Variants in DESI2 observed in about 807,000 individuals in gnomAD.
DESI2 encodes the protein desumoylating isopeptidase 2.
A neutral mutation model predicts 24.1 loss-of-function variants in DESI2; 10 were observed. The observed-to-expected ratio is 0.41, with a 90% CI of 0.26 to 0.70. DESI2 has a LOEUF of 0.70. DESI2 is among the 30% of genes least tolerant of loss of function. The pLI is 0.29. For missense variants in DESI2, 122 were observed against 234.9 expected (o/e 0.52, Z 3.14); for synonymous variants, 71 against 87.7 (o/e 0.81, Z 1.06).
intron 1 of DESI2, among the ~76,000 whole-genome samples, chr1:244,660,166 T>C (rs61842417): frequency 0.3 from 45,455 of 151,688 alleles, 7,118 homozygotes; most frequent in African/African-American, 0.4. Context: ...TTTTTTGTTG[T>C]TGTTTTGTTG....
intron 1 of DESI2, among the ~76,000 whole-genome samples, chr1:244,674,321 CT>C (rs35687515): frequency 0.23 from 33,805 of 147,442 alleles, 3,851 homozygotes; most frequent in South Asian, 0.3. Context: ...TCATAACGGT[CT>C]TTTTTTTTTT....
chr1:244,653,828 A>G (rs1675551005), intron 1 of DESI2: 1 of 421,360 alleles, frequency 2.4e-6, no homozygotes, highest in Non-Finnish European at 4.9e-6. Context: ...CTCTAAGTCC[A>G]GAAGGTCACA....
At chr1:244,655,051 A>G (rs1558647212) in intron 1 of DESI2, among the ~76,000 whole-genome samples, 1 of 152,194 alleles carries the variant, frequency 6.6e-6, no homozygotes, top group Non-Finnish European at 1.5e-5. Context: ...GCTTCTTTAC[A>G]CTTGAGGCAT....
chr1:244,691,842 A>ATTTTTCTTTCTCTTT (rs1054552706), intron 3 of DESI2, 37 bp from the exon 4 acceptor site: 9 of 1,502,020 alleles, frequency 6.0e-6, no homozygotes, highest in Non-Finnish European at 8.0e-6. Flanking sequence ...CTATGTCCTT[A>ATTTTTCTTTCTCTTT]TTTTTCTTTC....
intron 4 of DESI2, chr1:244,694,734 C>A: frequency 1.5e-6 from 1 of 655,162 alleles, no homozygotes; most frequent in South Asian, 1.7e-5. Flanking sequence ...GCTTCTGTGG[C>A]TAAGACCAGA....
In DESI2 at chr1:244,686,636, GT is replaced by G; in HGVS notation, c.87del (p.His30IlefsTer34). On this transcript the variant is annotated frameshift_variant, in exon 2 of 5. Coordinates refer to ENST00000302550, the MANE Select transcript of DESI2 (RefSeq NM_016076.5). LOFTEE classifies it high-confidence loss of function. ...ATATACCTCATCCATTGGAATTGGAGTTTTTCATTCAGGAATTGAAGTCTAT... is the reference window on the plus strand; with the variant it reads ...ATATACCTCATCCATTGGAATTGGAGTTTTCATTCAGGAATTGAAGTCTAT... The part of the protein sequence containing the change: ...NEYTSSIGIG[V>X]FHSGIEVYGR... 6.2e-7 allele frequency: 1 copy of G among 1,609,268 alleles called. No individual in the cohort carries two copies. Among genetic ancestry groups the G allele is most frequent in the Non-Finnish European group, 8.5e-7 (1 of 1,175,618 alleles).
At chr1:244,670,081 G>T (rs2806622) in intron 1 of DESI2, among the ~76,000 whole-genome samples, 149,048 of 152,218 alleles carry the variant, frequency 0.98, 73,047 homozygotes, top group East Asian at 1. Context: ...CCCAGCCTCC[G>T]GAATAGCTGG....
At chr1:244,679,579 G>T (rs1364843075) in intron 1 of DESI2, among the ~76,000 whole-genome samples, 2 of 152,144 alleles carry the variant, frequency 1.3e-5, no homozygotes, top group African/African-American at 4.8e-5. Context: ...TTCCCAAGAA[G>T]ACATTTTCTG....
chr1:244,664,411 C>T (rs930425561), intron 1 of DESI2, among the ~76,000 whole-genome samples: 2 of 152,108 alleles, frequency 1.3e-5, no homozygotes, highest in Non-Finnish European at 2.9e-5. Flanking sequence ...AAGACGTAAT[C>T]CATATGGTGT....
chr1:244,670,587 C>T lies in DESI2; in HGVS notation c.43-16010C>T, dbSNP rs568702469. ...AATTTATTTATTCTTCATAACAGTC[C>T]TCTGAGGTAGATTGTATTTGTTATC... On this transcript the variant is annotated intron_variant, in intron 1 of 4. Coordinates refer to ENST00000302550, the MANE Select transcript of DESI2 (RefSeq NM_016076.5). Among the ~76,000 whole-genome samples the T allele has an allele frequency of 1.2e-4, 18 of 152,266 alleles. No individual in the cohort carries two copies. The South Asian group carries it at 1.7e-3, about 14-fold the overall frequency.
intron 1 of DESI2, among the ~76,000 whole-genome samples, chr1:244,664,487 T>C (rs528980025): frequency 5.9e-5 from 9 of 152,252 alleles, no homozygotes; most frequent in African/African-American, 9.6e-5. Context: ...GGCTCAGGCC[T>C]GTAATCCCAG....
At chr1:244,660,515 C>T (rs1675806059) in intron 1 of DESI2, among the ~76,000 whole-genome samples, 1 of 152,072 alleles carries the variant, frequency 6.6e-6, no homozygotes, top group Non-Finnish European at 1.5e-5. Context: ...TGTTGACTGT[C>T]GAATTCTCTA....
At chr1:244,664,895 A>T (rs890573260) in intron 1 of DESI2, among the ~76,000 whole-genome samples, 2 of 152,230 alleles carry the variant, frequency 1.3e-5, no homozygotes, top group Non-Finnish European at 2.9e-5. Flanking sequence ...GCAAAAAATG[A>T]TAGAAATAAT....
rs1677801960 is a variant in DESI2, at chr1:244,708,631, T to TG, written c.*2843dup. The TG allele has an allele frequency of 6.5e-6, 1 of 152,684 alleles. No individual in the cohort carries two copies. Among genetic ancestry groups the TG allele is most frequent in the Non-Finnish European group, 1.5e-5 (1 of 68,044 alleles). 9.5% of individuals were successfully genotyped at this position (152,684 alleles called of 1,614,324 possible). A position where few individuals can be genotyped will look rare whatever the true frequency, so the allele number is the denominator to read the frequency against. On this transcript the variant is annotated 3_prime_UTR_variant, in exon 5 of 5. Transcript: ENST00000302550. Reference sequence around the variant, plus strand: ...CACTGCTTCAGGGTTCTAATCTGTGTGTCTCCTTATGACTCCATTTCTGTA... The same window carrying TG: ...CACTGCTTCAGGGTTCTAATCTGTGTGGTCTCCTTATGACTCCATTTCTGTA...
Position 244,686,717 on chromosome 1 carries a change from TAAA to T in DESI2, c.115+50_115+52del, listed in dbSNP as rs544894612. ...TATACTCTCTGAAGATTTTGTACTT[TAAA>T]AGAGTTGCAAAATCATAACTATAGG... On this transcript the variant is annotated intron_variant, in intron 2 of 4. Coordinates refer to ENST00000302550, the MANE Select transcript of DESI2 (RefSeq NM_016076.5). 1.7e-3 allele frequency: 2,151 copies of T among 1,263,772 alleles called. 5 individuals carry two copies. The highest frequency in any genetic ancestry group is 2.2e-3 in the Non-Finnish European group (1,927 of 868,960). 78.3% of individuals were successfully genotyped at this position (1,263,772 alleles called of 1,614,324 possible).
At chr1:244,659,848 A>G (rs1675777441) in intron 1 of DESI2, among the ~76,000 whole-genome samples, 1 of 152,248 alleles carries the variant, frequency 6.6e-6, no homozygotes, top group African/African-American at 2.4e-5. Context: ...AAAAATGTTC[A>G]GTTAAAAATT....
intron 1 of DESI2, among the ~76,000 whole-genome samples, chr1:244,682,455 C>G (rs1676650328): frequency 6.6e-6 from 1 of 152,182 alleles, no homozygotes. Flanking sequence ...TTACATCGTT[C>G]AAATGTCAAA....
chr1:244,700,692 AC>A (rs773659193), intron 4 of DESI2, among the ~76,000 whole-genome samples: 2 of 152,224 alleles, frequency 1.3e-5, no homozygotes, highest in Non-Finnish European at 2.9e-5. Context: ...AATCTGGGCT[AC>A]AGAATTTTTA....
intron 4 of DESI2, among the ~76,000 whole-genome samples, chr1:244,698,115 C>G (rs1364666267): frequency 3.3e-5 from 5 of 152,122 alleles, no homozygotes; most frequent in Admixed American, 6.5e-5. Flanking sequence ...TATGGATATA[C>G]GATAGAAGTT....
Sources: gnomAD v4.1 joint callset for allele counts (sites outside exome capture counted in the v4.1 genomes callset) on GRCh38, gnomAD v4.1.1 for gene constraint, MANE v1.5 for transcripts, NCBI Gene and HGNC (gene_info 2026-07-23, HGNC 2026-07-21) for gene names.